NF1: variants seen among roughly 807,000 people sequenced by gnomAD.
NF1 encodes neurofibromin 1.
In NF1, 122 loss-of-function variants were observed where a neutral mutation model predicts 325.7. The observed-to-expected ratio is 0.37, with a 90% CI of 0.32 to 0.44. The LOEUF is 0.44. Ranked by LOEUF, NF1 falls within the 20% of genes least tolerant of loss-of-function variation. The pLI, the probability that NF1 is intolerant of heterozygous loss-of-function variation, is 1.00. For synonymous variants in NF1, 1,091 were observed against 1,186.0 expected (o/e 0.92, Z 1.65); for missense variants, 2,140 against 3,415.4 (o/e 0.63, Z 9.31).
chr17:31,183,047 G>C, intron 8 of NF1: 1 of 446,582 alleles, frequency 2.2e-6, no homozygotes, highest in South Asian at 6.9e-5. Flanking sequence ...TGTCCATATA[G>C]TGCTACTGAA....
intron 52 of NF1, 88 bp from the exon 53 acceptor site, chr17:31,356,872 G>A (rs2151581806): frequency 6.5e-7 from 1 of 1,549,458 alleles, no homozygotes; most frequent in East Asian, 2.2e-5. Flanking sequence ...ACTAAAGAAA[G>A]CTGTTGAATT....
intron 36 of NF1, among the ~76,000 whole-genome samples, chr17:31,288,047 A>G (rs1036682042): frequency 1.3e-5 from 2 of 151,904 alleles, no homozygotes; most frequent in Admixed American, 1.3e-4. Context: ...TAACCTACAC[A>G]TTGTGCACAT....
At chr17:31,274,546 A>G (rs2067965584) in intron 36 of NF1, among the ~76,000 whole-genome samples, 1 of 152,162 alleles carries the variant, frequency 6.6e-6, no homozygotes, top group Admixed American at 6.5e-5. Context: ...TGGTACATAT[A>G]ATAACTTCAC....
chr17:31,115,637 A>G (rs1037771326), intron 1 of NF1, among the ~76,000 whole-genome samples: 3 of 152,184 alleles, frequency 2.0e-5, no homozygotes, highest in Non-Finnish European at 4.4e-5. Context: ...CTTCTGGGTG[A>G]TGGAGTATGT....
intron 51 of NF1, among the ~76,000 whole-genome samples, chr17:31,353,144 G>A (rs1046711321): frequency 1.3e-5 from 2 of 152,080 alleles, no homozygotes; most frequent in African/African-American, 2.4e-5. Context: ...CCTGACCTCA[G>A]GTGATACACC....
intron 36 of NF1, chr17:31,305,067 T>C: frequency 6.2e-7 from 1 of 1,614,216 alleles, no homozygotes; most frequent in Non-Finnish European, 8.5e-7. Context: ...TAAATCCTGG[T>C]GTACTCCTAG....
chr17:31,116,867 C>T (rs1745140776), intron 1 of NF1, among the ~76,000 whole-genome samples: 1 of 149,070 alleles, frequency 6.7e-6, no homozygotes, highest in Admixed American at 6.8e-5. Context: ...TTAGTAGAGA[C>T]AGGGTTTCGC....
intron 36 of NF1, among the ~76,000 whole-genome samples, chr17:31,278,713 C>G (rs1196251613): frequency 6.6e-6 from 1 of 151,238 alleles, no homozygotes; most frequent in Non-Finnish European, 1.5e-5. Context: ...CTCCCAGATT[C>G]AAGTGATTCT....
At chr17:31,256,903 C>T (rs889658281) in intron 31 of NF1, among the ~76,000 whole-genome samples, 4 of 152,150 alleles carry the variant, frequency 2.6e-5, no homozygotes, top group African/African-American at 7.2e-5. Flanking sequence ...TACAACTGAC[C>T]TCTTTTTATC....
intron 36 of NF1, among the ~76,000 whole-genome samples, chr17:31,313,090 T>G (rs2068922203): frequency 6.6e-6 from 1 of 152,156 alleles, no homozygotes; most frequent in Non-Finnish European, 1.5e-5. Context: ...ATGTCATCAT[T>G]ATTAAATATA....
intron 36 of NF1, chr17:31,314,533 G>A (rs1394400116): frequency 6.6e-6 from 1 of 152,236 alleles, no homozygotes; most frequent in African/African-American, 2.4e-5. Context: ...ATGTATAAAT[G>A]CCTCACCAAC....
chr17:31,110,799 G>A (rs1211218979), intron 1 of NF1, among the ~76,000 whole-genome samples: 1 of 151,972 alleles, frequency 6.6e-6, no homozygotes, highest in African/African-American at 2.4e-5. Context: ...AAAACACAAC[G>A]TTGGTTGCTT....
intron 36 of NF1, among the ~76,000 whole-genome samples, chr17:31,322,818 C>G (rs1204564686): frequency 6.6e-6 from 1 of 152,194 alleles, no homozygotes; most frequent in East Asian, 1.9e-4. Context: ...CAGTCCTGAT[C>G]AGACTTTGAA....
Position 31,337,806 on chromosome 17 carries a change from T to C in NF1, c.6643-13T>C, listed in dbSNP as rs764601493. On this transcript the variant is annotated splice_polypyrimidine_tract_variant and intron_variant, in intron 43 of 57. Transcript: ENST00000358273. ...TTATGTACAATATGTATTCAGAGTA[T>C]CCCCTTTTTTAGGCATGCATGAGAG... 7.7e-5 allele frequency: 124 copies of C among 1,612,806 alleles called. No homozygotes were observed. In the East Asian group the frequency reaches 2.8e-3, roughly 36 times the overall value.
intron 36 of NF1, chr17:31,271,877 C>T (rs1349866710): frequency 6.6e-6 from 1 of 151,922 alleles, no homozygotes; most frequent in Non-Finnish European, 1.5e-5. Context: ...CTCTCTCACT[C>T]TCATGTGTGT....
chr17:31,151,719 T>A (rs550918643), intron 1 of NF1, among the ~76,000 whole-genome samples: 1 of 152,334 alleles, frequency 6.6e-6, no homozygotes, highest in African/African-American at 2.4e-5. Flanking sequence ...CACTATTATT[T>A]AGGGAATAAT....
intron 1 of NF1, 120 bp from the exon 2 acceptor site, chr17:31,155,863 T>C: frequency 9.0e-7 from 1 of 1,110,572 alleles, no homozygotes; most frequent in Non-Finnish European, 1.3e-6. Flanking sequence ...GATGCAAGTA[T>C]AGGTATCTGT....
At chr17:31,120,261 T>C (rs1182080686) in intron 1 of NF1, among the ~76,000 whole-genome samples, 1 of 152,222 alleles carries the variant, frequency 6.6e-6, no homozygotes, top group Non-Finnish European at 1.5e-5. Flanking sequence ...TTTTTTCATT[T>C]GTTTGTATCC....
In NF1 at chr17:31,376,681, G is replaced by A. The variant is rs1057075330; in HGVS notation, c.*2526G>A. The A allele has an allele frequency of 2.6e-5, 6 of 232,920 alleles. No homozygotes were observed. Among genetic ancestry groups the A allele is most frequent in the East Asian group, 1.8e-4 (3 of 16,584 alleles). 14.4% of individuals were successfully genotyped at this position (232,920 alleles called of 1,614,324 possible). A position where few individuals can be genotyped will look rare whatever the true frequency, so the allele number is the denominator to read the frequency against. On this transcript the variant is annotated 3_prime_UTR_variant, in exon 58 of 58. Transcript: ENST00000358273. ...TTTAGACCAAGTTGCCCATTTCTGC[G>A]TAATTGACATAAGTTCTGTTAAAAA...
Sources: allele counts gnomAD v4.1 joint callset (sites outside exome capture counted in the v4.1 genomes callset), GRCh38; gene constraint gnomAD v4.1.1; transcripts MANE v1.5; gene names NCBI Gene and HGNC (gene_info 2026-07-23, HGNC 2026-07-21).